The following TSPAN11 variants were observed in gnomAD, a reference collection of about 807,000 sequenced individuals.
TSPAN11 encodes the protein tetraspanin 11.
TSPAN11 carries 29 observed loss-of-function variants against 32.9 expected under a neutral mutation model. That is an observed-to-expected ratio of 0.88 (90% CI 0.66 to 1.20). The LOEUF is 1.20. Ranked by LOEUF, TSPAN11 falls within the 50% of genes most tolerant of loss-of-function variation. TSPAN11 has a pLI of 0.00. For missense variants in TSPAN11, 283 were observed against 329.1 expected (o/e 0.86, Z 1.08); for synonymous variants, 140 against 141.3 (o/e 0.99, Z 0.07).
At chr12:30,978,887 G>A (rs957662252) in intron 4 of TSPAN11, 14 of 509,616 alleles carry the variant, frequency 2.7e-5, no homozygotes, top group African/African-American at 9.5e-5. Flanking sequence ...GGGACATTGC[G>A]TCATCCCTCT....
chr12:30,963,943 G>A lies in TSPAN11; in HGVS notation c.202G>A (p.Gly68Ser), dbSNP rs150920059. The A allele has an allele frequency of 1.6e-5, 26 of 1,613,962 alleles. No homozygotes were observed. The highest frequency in any genetic ancestry group is 5.0e-5 in the Admixed American group (3 of 59,998). Residue 68 changes from glycine to serine, a missense_variant, in exon 3 of 8, where the codon GGC (glycine) becomes AGC (serine). Coordinates refer to ENST00000546076, the MANE Select transcript of TSPAN11 (RefSeq NM_001370302.1). The part of the protein sequence containing the change: ...AASAYILIFA[G>S]VLVMVTGFLG... ...CTCCGCCTACATCCTCATCTTTGCG[G>A]GCGTACTTGTCATGGTGACCGGCTT...
rs741504 is a variant in TSPAN11, at chr12:30,968,933, A to G, written c.276+4916A>G. On this transcript the variant is annotated intron_variant, in intron 3 of 7. Transcript: ENST00000546076. ...CTAGCTTGCTCTGGGACCTCGGGTA[A>G]GTCACTCAGCTTCTGCCTGCCTCCT... 0.034 allele frequency among the ~76,000 whole-genome samples: 5,180 copies of G among 152,250 alleles called. 521 individuals are homozygous for G. In the East Asian group the frequency reaches 0.37, roughly 11 times the overall value.
chr12:30,957,232 C>G (rs1016740152), intron 2 of TSPAN11, among the ~76,000 whole-genome samples: 9 of 72,942 alleles, frequency 1.2e-4, no homozygotes, highest in Non-Finnish European at 2.1e-4. Flanking sequence ...CCTGGGACCC[C>G]CCCCCCCCCC....
chr12:30,968,769 A>G (rs1240233311), intron 3 of TSPAN11, among the ~76,000 whole-genome samples: 1 of 152,180 alleles, frequency 6.6e-6, no homozygotes, highest in Non-Finnish European at 1.5e-5. Context: ...CTAAAAACCA[A>G]TTTCTAAAAC....
the TSPAN11 span, among the ~76,000 whole-genome samples, chr12:31,006,278 C>T: frequency 2.6e-5 from 4 of 152,212 alleles, no homozygotes; most frequent in Non-Finnish European, 5.9e-5. Context: ...CACCAACCAA[C>T]CAGAAGTCGC....
chr12:30,938,483 G>A (rs1183041256), intron 1 of TSPAN11, among the ~76,000 whole-genome samples: 1 of 152,222 alleles, frequency 6.6e-6, no homozygotes, highest in Admixed American at 6.5e-5. Context: ...AGGGGTGCTG[G>A]TTTACTAGAA....
At chr12:30,927,075 T>G in intron 1 of TSPAN11, 1 of 1,261,448 alleles carries the variant, frequency 7.9e-7, no homozygotes, top group South Asian at 1.3e-5. Context: ...CTTTCTGCAC[T>G]TGTGCCTTGG....
intron 1 of TSPAN11, among the ~76,000 whole-genome samples, chr12:30,951,106 C>T (rs565213909): frequency 3.9e-5 from 6 of 152,238 alleles, no homozygotes; most frequent in East Asian, 1.9e-4. Context: ...GTACAATTAA[C>T]GAATTTGATC....
At chr12:30,987,957 T>C (rs921694002) in intron 7 of TSPAN11, among the ~76,000 whole-genome samples, 7 of 152,244 alleles carry the variant, frequency 4.6e-5, no homozygotes, top group African/African-American at 1.7e-4. Flanking sequence ...TGCTAAACAG[T>C]GGCCCTTGCA....
the TSPAN11 span, among the ~76,000 whole-genome samples, chr12:31,009,068 TA>T: frequency 0.066 from 10,070 of 152,210 alleles, 409 homozygotes; most frequent in Middle Eastern, 0.17. Context: ...GCCCAATGAC[TA>T]ACACTATAAA....
intron 3 of TSPAN11, among the ~76,000 whole-genome samples, chr12:30,973,344 G>T (rs1218909996): frequency 6.6e-6 from 1 of 152,252 alleles, no homozygotes; most frequent in Non-Finnish European, 1.5e-5. Context: ...GTGCTTGCAA[G>T]GGGGGCTGGC....
At chr12:30,990,590 A>T (rs1158240569) in intron 7 of TSPAN11, among the ~76,000 whole-genome samples, 2 of 152,174 alleles carry the variant, frequency 1.3e-5, no homozygotes, top group East Asian at 3.9e-4. Context: ...TTCACACTCC[A>T]CGCTGTCCTC....
intron 3 of TSPAN11, among the ~76,000 whole-genome samples, chr12:30,968,836 G>A (rs534196823): frequency 8.5e-5 from 13 of 152,262 alleles, no homozygotes; most frequent in African/African-American, 2.6e-4. Flanking sequence ...GGTCAACCAG[G>A]GCACTAAAGT....
intron 2 of TSPAN11, among the ~76,000 whole-genome samples, chr12:30,961,651 A>G (rs1166991542): frequency 1.3e-5 from 2 of 152,054 alleles, no homozygotes; most frequent in Non-Finnish European, 2.9e-5. Context: ...GGAGGCTCTC[A>G]AAACATTAGA....
chr12:30,927,038 T>C (rs1227190932), intron 1 of TSPAN11: 6 of 1,283,572 alleles, frequency 4.7e-6, no homozygotes, highest in Non-Finnish European at 6.1e-6. Context: ...CGCAACACGG[T>C]GTCCATAACT....
intron 2 of TSPAN11, among the ~76,000 whole-genome samples, chr12:30,957,234 C>T (rs890565469): frequency 6.9e-6 from 1 of 145,424 alleles, no homozygotes; most frequent in Non-Finnish European, 1.6e-5. Flanking sequence ...TGGGACCCCC[C>T]CCCCCCCCAC....
chr12:30,979,824 G>A (rs946185908), intron 5 of TSPAN11, among the ~76,000 whole-genome samples, 154 bp downstream of exon 5: 1 of 152,202 alleles, frequency 6.6e-6, no homozygotes, highest in Non-Finnish European at 1.5e-5. Context: ...GGGCACATGA[G>A]CATTAAACCT....
In TSPAN11 at chr12:30,995,009, T is replaced by A. The variant is rs1939389606; in HGVS notation, c.*3094T>A. On this transcript the variant is annotated 3_prime_UTR_variant, in exon 8 of 8. Coordinates refer to ENST00000546076, the MANE Select transcript of TSPAN11 (RefSeq NM_001370302.1). The stretch of plus-strand genomic sequence containing the variant: ...ACAGAGTGTCACTCAGGGGGCACTG[T>A]CACAAAGCAGCACCCATGGCACATG... 1 of 152,066 alleles carries A rather than the reference T, an allele frequency of 6.6e-6. No individual in the cohort carries two copies. Among genetic ancestry groups the A allele is most frequent in the Non-Finnish European group, 1.5e-5 (1 of 68,024 alleles). 9.4% of individuals were successfully genotyped at this position (152,066 alleles called of 1,614,324 possible).
At position 30,966,650 on chromosome 12, in the gene TSPAN11, T is replaced by C. The variant is rs149162202; in HGVS notation, c.276+2633T>C. 1.1e-3 allele frequency among the ~76,000 whole-genome samples: 171 copies of C among 152,324 alleles called. 1 individual carries two copies. Among genetic ancestry groups the C allele is most frequent in the African/African-American group, 3.9e-3 (163 of 41,584 alleles). ...TCCCTGGGGAGGAGGACAAGCCTGA[T>C]GGGAGGCAGAGGGACCAGAGGCCAA... On this transcript the variant is annotated intron_variant, in intron 3 of 7. Transcript: ENST00000546076.
Sources: allele counts gnomAD v4.1 joint callset (sites outside exome capture counted in the v4.1 genomes callset), GRCh38; gene constraint gnomAD v4.1.1; transcripts MANE v1.5; gene names NCBI Gene and HGNC (gene_info 2026-07-23, HGNC 2026-07-21).